ARID5B: variants seen among roughly 807,000 people sequenced by gnomAD.
ARID5B encodes AT-rich interaction domain 5B.
Under a neutral mutation model 97.2 loss-of-function variants are expected in ARID5B, and 13 were observed. The observed-to-expected ratio is 0.13, with a 90% confidence interval of 0.09 to 0.21. ARID5B has a LOEUF of 0.21. Ranked by LOEUF, ARID5B falls within the 10% of genes least tolerant of loss-of-function variation. ARID5B has a pLI of 1.00. For synonymous variants in ARID5B, 556 were observed against 570.3 expected (o/e 0.97, Z 0.36); for missense variants, 1,210 against 1,465.3 (o/e 0.83, Z 2.84).
At chr10:62,051,092 GT>G (rs772753680) in intron 5 of ARID5B, 92 bp downstream of exon 5, 37 of 1,057,686 alleles carry the variant, frequency 3.5e-5, no homozygotes, top group Non-Finnish European at 8.6e-6. Flanking sequence ...CTTGGAGGCA[GT>G]TTTCAATTCA....
Position 62,091,150 on chromosome 10 carries a change from C to A in ARID5B, c.1687C>A (p.Pro563Thr). The A allele has an allele frequency of 6.2e-7, 1 of 1,614,146 alleles. No individual in the cohort carries two copies. The highest frequency in any genetic ancestry group is 1.1e-5 in the South Asian group (1 of 91,088). ...CTTGGTCCCTGGGGCCAGCAAACAGCCACTCACCTCTCCTAGTGCCCTGGT... is the reference window on the plus strand; with the variant it reads ...CTTGGTCCCTGGGGCCAGCAAACAGACACTCACCTCTCCTAGTGCCCTGGT... ...SALVPGASKQ[P>T]LTSPSALVDS... is the part of the protein sequence containing the mutation. Residue 563 changes from proline (P) to threonine (T), a missense_variant, in exon 10 of 10, where the codon CCA becomes ACA. Physicochemically the swap from Pro to Thr is conservative, Grantham distance 38. Around this residue, in one of 8 missense-constraint regions of ARID5B, gnomAD observed 800 missense variants for 839.1 expected, o/e 0.95. Coordinates refer to ENST00000279873, the MANE Select transcript of ARID5B (RefSeq NM_032199.3).
At position 62,095,059 on chromosome 10, in the gene ARID5B, G is replaced by C. The variant is rs1487298073; in HGVS notation, c.*2029G>C. The C allele has an allele frequency of 8.7e-6, 2 of 229,568 alleles. No homozygotes were observed. The highest frequency in any genetic ancestry group is 1.7e-5 in the Non-Finnish European group (2 of 115,660). The allele number at this position is 229,568 out of a possible 1,614,324, so 14.2% of individuals were successfully genotyped here. On this transcript the variant is annotated 3_prime_UTR_variant, in exon 10 of 10. Transcript: ENST00000279873. ...AAAGAATGTAGAGATCCAGTGTTAA[G>C]AGTTCCATTTGCTTCAATTAATTAT... is the stretch of plus-strand genomic sequence containing the variant.
chr10:61,959,808 G>A (rs1185004428), intron 3 of ARID5B, among the ~76,000 whole-genome samples: 1 of 152,180 alleles, frequency 6.6e-6, no homozygotes, highest in Non-Finnish European at 1.5e-5. Flanking sequence ...GAGGACAGGT[G>A]GTTGGTCACC....
chr10:61,996,885 G>GA (rs199599810), intron 3 of ARID5B, among the ~76,000 whole-genome samples: 184 of 144,054 alleles, frequency 1.3e-3, no homozygotes, highest in African/African-American at 4.0e-3. Context: ...TCTGACAACT[G>GA]AAAAAAAAAA....
At chr10:61,975,811 C>T (rs1464170898) in intron 3 of ARID5B, among the ~76,000 whole-genome samples, 1 of 152,126 alleles carries the variant, frequency 6.6e-6, no homozygotes. Flanking sequence ...TCTTTGCTTT[C>T]ATAGGGAGCG....
At chr10:61,934,151 C>A (rs1844258595) in intron 2 of ARID5B, among the ~76,000 whole-genome samples, 1 of 152,184 alleles carries the variant, frequency 6.6e-6, no homozygotes, top group African/African-American at 2.4e-5. Context: ...TAGCTTCCAA[C>A]CTTTATTTTG....
intron 3 of ARID5B, among the ~76,000 whole-genome samples, chr10:61,970,252 C>T (rs549607490): frequency 1.3e-5 from 2 of 152,294 alleles, no homozygotes; most frequent in East Asian, 1.9e-4. Flanking sequence ...AAACATAATT[C>T]GTTCATTGTA....
chr10:62,095,845 T>C lies in ARID5B; in HGVS notation c.*2815T>C, dbSNP rs927293311. 3.0e-5 allele frequency: 7 copies of C among 230,862 alleles called. No homozygotes were observed. Among genetic ancestry groups the C allele is most frequent in the Non-Finnish European group, 3.4e-5 (4 of 116,350 alleles). The allele number at this position is 230,862 out of a possible 1,614,324, so 14.3% of individuals were successfully genotyped here. ...GCAATCAAACCATTGTTATTGGTAG[T>C]TCTGTAAAGGAAACTGTGGAATCGA... On this transcript the variant is annotated 3_prime_UTR_variant, in exon 10 of 10. Coordinates refer to ENST00000279873, the MANE Select transcript of ARID5B (RefSeq NM_032199.3).
intron 8 of ARID5B, among the ~76,000 whole-genome samples, chr10:62,074,537 G>A (rs901891708): frequency 1.3e-5 from 2 of 151,326 alleles, no homozygotes; most frequent in Non-Finnish European, 3.0e-5. Context: ...AATAAGATAA[G>A]CATGTGCTTT....
At chr10:62,086,254 C>T (rs141571057) in intron 9 of ARID5B, among the ~76,000 whole-genome samples, 26 of 152,266 alleles carry the variant, frequency 1.7e-4, no homozygotes, top group South Asian at 8.3e-4. Flanking sequence ...GCTTCTTGGC[C>T]GCTCCACAGC....
At chr10:62,049,533 C>T in intron 4 of ARID5B, 1 of 1,549,922 alleles carries the variant, frequency 6.5e-7, no homozygotes, top group South Asian at 1.2e-5. Context: ...GCTTGTTTAC[C>T]TTTGGTAATT....
chr10:62,028,268 G>A (rs931878316), intron 4 of ARID5B, among the ~76,000 whole-genome samples: 5 of 152,192 alleles, frequency 3.3e-5, no homozygotes, highest in Non-Finnish European at 7.3e-5. Flanking sequence ...GAACGAGCTT[G>A]GGCTTGTTTG....
At chr10:61,913,816 A>G (rs1843850284) in intron 2 of ARID5B, among the ~76,000 whole-genome samples, 1 of 152,172 alleles carries the variant, frequency 6.6e-6, no homozygotes, top group African/African-American at 2.4e-5. Context: ...CAATGGCGCA[A>G]TCTCAGCTCA....
intron 8 of ARID5B, among the ~76,000 whole-genome samples, chr10:62,084,693 A>C (rs1840258121): frequency 6.6e-6 from 1 of 152,224 alleles, no homozygotes; most frequent in South Asian, 2.1e-4. Context: ...TACATCAGCT[A>C]TTTTTCCCTT....
rs1020478761 is a variant in ARID5B, at chr10:62,000,891, C to T, written c.733+570C>T. On this transcript the variant is annotated intron_variant, in intron 4 of 9. Coordinates refer to ENST00000279873, the MANE Select transcript of ARID5B (RefSeq NM_032199.3). This position sits in a 1 kb window ranked among gnomAD's most constrained non-coding sequence, Gnocchi z 4.4. Reference sequence around the variant, plus strand: ...TAGATAGATGATAGGTGATAGATATCCATGTCCTGAATTTTTTCATACACT... The same window carrying T: ...TAGATAGATGATAGGTGATAGATATTCATGTCCTGAATTTTTTCATACACT... Among the ~76,000 whole-genome samples, 4 of 151,152 alleles carry T rather than the reference C, an allele frequency of 2.6e-5. No homozygotes were observed. The highest frequency in any genetic ancestry group is 5.9e-5 in the Non-Finnish European group (4 of 67,738).
chr10:62,003,870 G>A (rs1839113762), intron 4 of ARID5B, among the ~76,000 whole-genome samples: 1 of 152,070 alleles, frequency 6.6e-6, no homozygotes, highest in African/African-American at 2.4e-5. Context: ...TTTTAATGTT[G>A]TCCACTGAAT....
intron 2 of ARID5B, among the ~76,000 whole-genome samples, chr10:61,915,969 A>T (rs1295648670): frequency 6.6e-6 from 1 of 152,082 alleles, no homozygotes; most frequent in Non-Finnish European, 1.5e-5. Context: ...TTGGTCAGGC[A>T]GGTCTTGAAC....
At position 62,095,347 on chromosome 10, in the gene ARID5B, T is replaced by C. The variant is rs937224868; in HGVS notation, c.*2317T>C. 8.6e-6 allele frequency: 2 copies of C among 233,080 alleles called. No individual in the cohort carries two copies. Among genetic ancestry groups the C allele is most frequent in the Non-Finnish European group, 1.7e-5 (2 of 117,910 alleles). 14.4% of individuals were successfully genotyped at this position (233,080 alleles called of 1,614,324 possible). The stretch of plus-strand genomic sequence containing the variant: ...TGCAGCAGACATGGGCTAGGTCATA[T>C]GTGGTTTCTATGAGTTCGTGTCTCA... On this transcript the variant is annotated 3_prime_UTR_variant, in exon 10 of 10. Coordinates refer to ENST00000279873, the MANE Select transcript of ARID5B (RefSeq NM_032199.3).
intron 2 of ARID5B, among the ~76,000 whole-genome samples, chr10:61,934,293 A>G (rs982045093): frequency 1.3e-5 from 2 of 152,206 alleles, no homozygotes; most frequent in Non-Finnish European, 2.9e-5. Context: ...CTTTCTCCAT[A>G]TCAGCAGTAA....
Sources: allele counts gnomAD v4.1 joint callset (sites outside exome capture counted in the v4.1 genomes callset), GRCh38; gene constraint gnomAD v4.1.1; regional missense constraint gnomAD v4.1.1; non-coding constraint Gnocchi (gnomAD v3.1); transcripts MANE v1.5; gene names NCBI Gene and HGNC (gene_info 2026-07-23, HGNC 2026-07-21).